The following SUFU variants were observed in gnomAD, a reference collection of about 807,000 sequenced individuals.
The protein encoded by SUFU is SUFU negative regulator of hedgehog signaling.
Under a neutral mutation model 58.9 loss-of-function variants are expected in SUFU, and 7 were observed. That is an observed-to-expected ratio of 0.12 (90% CI 0.07 to 0.22). The LOEUF is 0.22. SUFU is among the 10% of genes least tolerant of loss of function. The probability of loss-of-function intolerance (pLI) is 1.00; values close to 1 mark genes in which losing one functional copy is unlikely to be tolerated. For missense variants in SUFU, 451 were observed against 641.3 expected, an observed-to-expected ratio of 0.70 and a Z score of 3.20; for synonymous variants, 232 against 254.8, an observed-to-expected ratio of 0.91 and a Z score of 0.85.
intron 8 of SUFU, among the ~76,000 whole-genome samples, chr10:102,607,804 G>C (rs1462844071): frequency 6.6e-6 from 1 of 151,932 alleles, no homozygotes; most frequent in Non-Finnish European, 1.5e-5. Flanking sequence ...CCAGCTACTC[G>C]GGAGGCCGAG....
intron 2 of SUFU, among the ~76,000 whole-genome samples, chr10:102,538,545 T>C (rs2062766369): frequency 6.6e-6 from 1 of 152,162 alleles, no homozygotes; most frequent in Non-Finnish European, 1.5e-5. Context: ...AAAAAGACTT[T>C]TTTAGAGCCG....
chr10:102,585,282 T>G (rs1024627484), intron 3 of SUFU, among the ~76,000 whole-genome samples: 1 of 152,230 alleles, frequency 6.6e-6, no homozygotes, highest in Non-Finnish European at 1.5e-5. Flanking sequence ...ACTATCTGTT[T>G]CCATAGATTT....
chr10:102,542,116 T>G (rs997839995), intron 2 of SUFU, among the ~76,000 whole-genome samples: 1 of 148,164 alleles, frequency 6.7e-6, no homozygotes, highest in Non-Finnish European at 1.5e-5. Context: ...ACTCCCGACC[T>G]CAAGTGATCC....
At chr10:102,515,536 G>A (rs965353222) in intron 2 of SUFU, among the ~76,000 whole-genome samples, 9 of 152,034 alleles carry the variant, frequency 5.9e-5, no homozygotes, top group East Asian at 1.9e-4. Flanking sequence ...GGCTGGTCTC[G>A]AACTCCTGAC....
At chr10:102,599,270 A>G (rs553224169) in intron 7 of SUFU, among the ~76,000 whole-genome samples, 163 bp from the exon 8 acceptor site, 4 of 152,150 alleles carry the variant, frequency 2.6e-5, no homozygotes, top group Non-Finnish European at 4.4e-5. Context: ...TCCCCTCGCA[A>G]TCTGTACTCA....
chr10:102,508,545 A>G (rs1211004908), intron 1 of SUFU, among the ~76,000 whole-genome samples: 1 of 152,210 alleles, frequency 6.6e-6, no homozygotes, highest in Non-Finnish European at 1.5e-5. Context: ...AACTAAGTTA[A>G]GCCTAAGTTT....
Position 102,619,505 on chromosome 10 carries a change from G to T in SUFU, c.1296+2077G>T. 8.8e-7 allele frequency: 1 copy of T among 1,134,630 alleles called. No individual in the cohort carries two copies. Among genetic ancestry groups the T allele is most frequent in the Non-Finnish European group, 1.1e-6 (1 of 921,500 alleles). 70.3% of individuals were successfully genotyped at this position (1,134,630 alleles called of 1,614,324 possible). A position where few individuals can be genotyped will look rare whatever the true frequency, so the allele number is the denominator to read the frequency against. On this transcript the variant is annotated intron_variant, in intron 10 of 11. Coordinates refer to ENST00000369902, the MANE Select transcript of SUFU (RefSeq NM_016169.4). The surrounding 1 kb of genome is among the most constrained non-coding windows in gnomAD (Gnocchi z 4.2). ...TGGGCTCATTAGTGTGGTCCACCACGGGGCCGGCTCACAGGAGAGCTCCTG... is the reference window on the plus strand; with the variant it reads ...TGGGCTCATTAGTGTGGTCCACCACTGGGCCGGCTCACAGGAGAGCTCCTG...
chr10:102,599,133 A>G (rs1407776384), intron 7 of SUFU, among the ~76,000 whole-genome samples: 1 of 152,166 alleles, frequency 6.6e-6, no homozygotes, highest in African/African-American at 2.4e-5. Context: ...TGTTAAGGGT[A>G]AACCTCGGGC....
At chr10:102,554,922 A>G (rs1164029632) in intron 3 of SUFU, among the ~76,000 whole-genome samples, 1 of 152,246 alleles carries the variant, frequency 6.6e-6, no homozygotes, top group African/African-American at 2.4e-5. Context: ...CCTGGTACGC[A>G]GTAAGTACTA....
chr10:102,625,890 G>T lies in SUFU; in HGVS notation c.1297-1285G>T, dbSNP rs548156968. On this transcript the variant is annotated intron_variant, in intron 10 of 11. Coordinates refer to ENST00000369902, the MANE Select transcript of SUFU (RefSeq NM_016169.4). The surrounding 1 kb of genome is among the most constrained non-coding windows in gnomAD (Gnocchi z 4.7). ...CACTCCTTCCTTGTTATCTCACAGC[G>T]TGGAAACTTTTGTTCTTGGCAGCTG... Among the ~76,000 whole-genome samples the T allele has an allele frequency of 1.3e-5, 2 of 152,308 alleles. No homozygotes were observed. Among genetic ancestry groups the T allele is most frequent in the South Asian group, 4.1e-4 (2 of 4,826 alleles).
intron 9 of SUFU, among the ~76,000 whole-genome samples, chr10:102,616,960 A>G (rs1439399637): frequency 6.6e-6 from 1 of 152,172 alleles, no homozygotes; most frequent in Non-Finnish European, 1.5e-5. Context: ...CCTTCAGCAC[A>G]TTGCTACCTT....
rs139013312 is a variant in SUFU at position 102,628,390 on chromosome 10, A to G, written c.1365+1147A>G. ...CAGCTTGAGAAATTTGTTCATTTATATATTCCAAAGCCATCAAGCACCCAG... is the reference window on the plus strand; with the variant it reads ...CAGCTTGAGAAATTTGTTCATTTATGTATTCCAAAGCCATCAAGCACCCAG... On this transcript the variant is annotated intron_variant, in intron 11 of 11. Transcript: ENST00000369902. The surrounding 1 kb of genome is among the most constrained non-coding windows in gnomAD (Gnocchi z 4.5). Among the ~76,000 whole-genome samples, 123 of 152,278 alleles carry G rather than the reference A, an allele frequency of 8.1e-4. No individual in the cohort carries two copies. The highest frequency in any genetic ancestry group is 2.8e-3 in the African/African-American group (115 of 41,552).
At chr10:102,505,020 C>T (rs1358410022) in intron 1 of SUFU, among the ~76,000 whole-genome samples, 1 of 152,198 alleles carries the variant, frequency 6.6e-6, no homozygotes, top group Non-Finnish European at 1.5e-5. Flanking sequence ...GAGCTTCCTC[C>T]TAGCTCTGCA....
intron 3 of SUFU, among the ~76,000 whole-genome samples, chr10:102,585,992 C>G (rs1590055288): frequency 6.7e-6 from 1 of 149,954 alleles, no homozygotes; most frequent in South Asian, 2.1e-4. Context: ...TCAAACAATT[C>G]TCCTGTCTCA....
At chr10:102,552,549 C>T (rs958206820) in intron 3 of SUFU, among the ~76,000 whole-genome samples, 1 of 151,822 alleles carries the variant, frequency 6.6e-6, no homozygotes, top group African/African-American at 2.4e-5. Context: ...CATTGTTGAT[C>T]CTTGATTAGA....
chr10:102,549,967 C>A lies in SUFU; in HGVS notation c.318-3C>A. ...TAAAACACTTGCTTTTTATGTCTTT[C>A]AGGTTTACAGGAACAGATGGACCTA... On this transcript the variant is annotated splice_region_variant and splice_polypyrimidine_tract_variant and intron_variant, in intron 2 of 11. Transcript: ENST00000369902. The A allele has an allele frequency of 1.2e-6, 2 of 1,614,148 alleles. No individual in the cohort carries two copies. The highest frequency in any genetic ancestry group is 1.7e-6 in the Non-Finnish European group (2 of 1,180,004).
intron 2 of SUFU, among the ~76,000 whole-genome samples, chr10:102,526,768 C>G (rs1296120633): frequency 6.6e-6 from 1 of 151,934 alleles, no homozygotes; most frequent in Non-Finnish European, 1.5e-5. Context: ...CAATTGCTGC[C>G]CCCTGGAGTT....
chr10:102,572,822 C>G, intron 3 of SUFU: 1 of 838,732 alleles, frequency 1.2e-6, no homozygotes, highest in Non-Finnish European at 2.1e-6. Context: ...CCAACATATG[C>G]CTTCTTCTCT....
At chr10:102,612,083 GA>G (rs2063630525) in intron 8 of SUFU, among the ~76,000 whole-genome samples, 2 of 152,178 alleles carry the variant, frequency 1.3e-5, no homozygotes, top group Non-Finnish European at 1.5e-5. Flanking sequence ...GTCGGCTGCA[GA>G]TTTAATACCT....
Sources: allele counts gnomAD v4.1 joint callset (sites outside exome capture counted in the v4.1 genomes callset), GRCh38; gene constraint gnomAD v4.1.1; non-coding constraint Gnocchi (gnomAD v3.1); transcripts MANE v1.5; gene names NCBI Gene and HGNC (gene_info 2026-07-23, HGNC 2026-07-21).